The following CORO1B variants were observed in gnomAD, a reference collection of about 807,000 sequenced individuals.
The protein encoded by CORO1B is coronin 1B.
Under a neutral mutation model 51.1 loss-of-function variants are expected in CORO1B, and 30 were observed. That is an observed-to-expected ratio of 0.59 (90% CI 0.44 to 0.80). The LOEUF (loss-of-function observed/expected upper bound fraction) is 0.80. CORO1B is among the 30% of genes least tolerant of loss of function. CORO1B has a pLI of 0.00. For missense variants in CORO1B, 648 were observed against 700.4 expected (o/e 0.93, Z 0.84); for synonymous variants, 310 against 289.7 (o/e 1.07, Z -0.71).
At position 67,436,485 on chromosome 11, in the gene CORO1B, A is replaced by G. The variant is rs559453823; in HGVS notation, c.*1891T>C. On this transcript the variant is annotated 3_prime_UTR_variant, in exon 11 of 11. Coordinates refer to ENST00000341356, the MANE Select transcript of CORO1B (RefSeq NM_020441.3). Reference sequence around the variant, plus strand: ...TTGGGACAGCCAAGCAGAAAAGGCCAAGGCCTTATTTGGTCAACCAGGCTC... The same window carrying G: ...TTGGGACAGCCAAGCAGAAAAGGCCGAGGCCTTATTTGGTCAACCAGGCTC... 24 of 1,067,098 alleles carry G rather than the reference A, an allele frequency of 2.2e-5. No individual in the cohort carries two copies. The East Asian group carries it at 6.5e-4, about 29-fold the overall frequency. 66.1% of individuals were successfully genotyped at this position (1,067,098 alleles called of 1,614,324 possible).
Position 67,440,307 on chromosome 11 carries a change from G to A in CORO1B, c.861+28C>T, listed in dbSNP as rs760851584. 1.9e-6 allele frequency: 3 copies of A among 1,612,828 alleles called. No homozygotes were observed. In the East Asian group the frequency reaches 6.7e-5, roughly 36 times the overall value. On this transcript the variant is annotated intron_variant, in intron 7 of 10. Coordinates refer to ENST00000341356, the MANE Select transcript of CORO1B (RefSeq NM_020441.3). Reference sequence around the variant, plus strand: ...CAGCACCTGGGCACGCCTCTTCCCTGCCCCTCGCCAGCCCTGCCCAGCCCC... The same window carrying A: ...CAGCACCTGGGCACGCCTCTTCCCTACCCCTCGCCAGCCCTGCCCAGCCCC...
chr11:67,440,110 C>T lies in CORO1B; in HGVS notation c.1007+8G>A. The T allele has an allele frequency of 3.1e-6, 5 of 1,607,096 alleles. No individual in the cohort carries two copies. The highest frequency in any genetic ancestry group is 4.2e-6 in the Non-Finnish European group (5 of 1,176,474). ...CCTATCCCCGAGTGGCCTCGGTAGC[C>T]CTCTTACCGGGCGATCTCGCACTTG... On this transcript the variant is annotated splice_region_variant and intron_variant, in intron 8 of 10. Transcript: ENST00000341356.
chr11:67,438,206 G>T lies in CORO1B; in HGVS notation c.*170C>A. 1.3e-6 allele frequency: 1 copy of T among 791,508 alleles called. No individual in the cohort carries two copies. The highest frequency in any genetic ancestry group is 1.9e-6 in the Non-Finnish European group (1 of 517,738). The allele number at this position is 791,508 out of a possible 1,614,324, so 49.0% of individuals were successfully genotyped here. On this transcript the variant is annotated 3_prime_UTR_variant, in exon 11 of 11. Transcript: ENST00000341356. ...TAGACATCCTCCACAGGAACAGTGA[G>T]GAAAGCTGGGCGCTGGCTTCGGCCT...
chr11:67,436,432 C>CT lies in CORO1B; in HGVS notation c.*1943dup, dbSNP rs1864282046. 1 of 1,400,576 alleles carries CT rather than the reference C, an allele frequency of 7.1e-7. No individual in the cohort carries two copies. The highest frequency in any genetic ancestry group is 9.3e-7 in the Non-Finnish European group (1 of 1,077,476). 86.8% of individuals were successfully genotyped at this position (1,400,576 alleles called of 1,614,324 possible). ...GGGGCAGGCTGGGTGACCAAGACCA[C>CT]TTTCGTTTTTTTCTCTTTGGGATCC... On this transcript the variant is annotated 3_prime_UTR_variant, in exon 11 of 11. Coordinates refer to ENST00000341356, the MANE Select transcript of CORO1B (RefSeq NM_020441.3).
In CORO1B at chr11:67,442,614, T is replaced by C. The variant is rs1480007595; in HGVS notation, c.15A>G (p.Lys5=). The C allele has an allele frequency of 3.1e-6, 5 of 1,613,482 alleles. No individual in the cohort carries two copies. In the African/African-American group the frequency reaches 5.3e-5, roughly 17 times the overall value. The change falls in exon 2 of 11, where the codon AAA becomes AAG. Residue 5 remains lysine, a synonymous_variant. Coordinates refer to ENST00000341356, the MANE Select transcript of CORO1B (RefSeq NM_020441.3). MSFR[K]VVRQSKFRHV... ...GCCGGAATTTGCTCTGCCGGACCAC[T>C]TTGCGGAAGGACATGTCTGCGGGAC...
At position 67,441,696 on chromosome 11, in the gene CORO1B, T is replaced by TGGG. The variant is rs369518009; in HGVS notation, c.454+34_454+36dup. On this transcript the variant is annotated intron_variant, in intron 4 of 10. Coordinates refer to ENST00000341356, the MANE Select transcript of CORO1B (RefSeq NM_020441.3). Reference sequence around the variant, plus strand: ...CTGCTGGGATGTATGGAGGGGTCCGTGGGGGGGGGGAGCACAAAACGGGGG... The same window carrying TGGG: ...CTGCTGGGATGTATGGAGGGGTCCGTGGGGGGGGGGGGGAGCACAAAACGGGGG... 38 of 941,720 alleles carry TGGG rather than the reference T, an allele frequency of 4.0e-5. No homozygotes were observed. In the African/African-American group the frequency reaches 8.7e-4, roughly 22 times the overall value. 58.3% of individuals were successfully genotyped at this position (941,720 alleles called of 1,614,324 possible).
intron 6 of CORO1B, 153 bp downstream of exon 6, chr11:67,440,972 G>T: frequency 9.1e-7 from 1 of 1,102,762 alleles, no homozygotes; most frequent in East Asian, 2.5e-5. Flanking sequence ...GCAGGGGGCA[G>T]GAGAGGAAAG....
In CORO1B at chr11:67,436,437, G is replaced by A. The variant is rs904589000; in HGVS notation, c.*1939C>T. 13 of 1,386,940 alleles carry A rather than the reference G, an allele frequency of 9.4e-6. No individual in the cohort carries two copies. Among genetic ancestry groups the A allele is most frequent in the Middle Eastern group, 2.6e-4 (1 of 3,848 alleles). The allele number at this position is 1,386,940 out of a possible 1,614,324, so 85.9% of individuals were successfully genotyped here. The stretch of plus-strand genomic sequence containing the variant: ...AGGCTGGGTGACCAAGACCACTTTC[G>A]TTTTTTTCTCTTTGGGATCCTCTTG... On this transcript the variant is annotated 3_prime_UTR_variant, in exon 11 of 11. Coordinates refer to ENST00000341356, the MANE Select transcript of CORO1B (RefSeq NM_020441.3).
In CORO1B at chr11:67,439,801, C is replaced by A; in HGVS notation, c.1050G>T (p.Met350Ile). ...LHERKCEPIV[M>I]TVPRKSDLFQ... is the part of the protein sequence containing the mutation. ...GCGGCCTCACCTTTCTTGGCACAGT[C>A]ATGACGATGGGCTCACACTTGCGCT... Residue 350 changes from methionine (M) to isoleucine (I), a missense_variant, in exon 9 of 11, where the codon ATG becomes ATT. Met to Ile is a conservative substitution (Grantham distance 10). Transcript: ENST00000341356. The A allele has an allele frequency of 6.3e-7, 1 of 1,589,928 alleles. No individual in the cohort carries two copies. The highest frequency in any genetic ancestry group is 1.1e-5 in the South Asian group (1 of 87,128).
chr11:67,438,728 G>A lies in CORO1B; in HGVS notation c.1287C>T (p.Pro429=), dbSNP rs775629291. Residue 429 remains proline, a synonymous_variant, in exon 10 of 11, where the codon CCC becomes CCT. Coordinates refer to ENST00000341356, the MANE Select transcript of CORO1B (RefSeq NM_020441.3). ...CATCAGCAGCAGTGGTGGTGGAGGC[G>A]GGGGCCCCTAGGTGGGAGGAGCCCG... is the stretch of plus-strand genomic sequence containing the variant. ...MAPGSSHLGA[P]ASTTTAADAT... is the part of the protein sequence containing the mutation. 7 of 1,547,928 alleles carry A rather than the reference G, an allele frequency of 4.5e-6. No homozygotes were observed. Among genetic ancestry groups the A allele is most frequent in the African/African-American group, 1.4e-5 (1 of 73,472 alleles).
rs1590985105 is a variant in CORO1B, at chr11:67,438,767, C to T, written c.1248G>A (p.Arg416=). Residue 416 remains arginine (R), a synonymous_variant, in exon 10 of 11, where the codon CGG becomes CGA. Coordinates refer to ENST00000341356, the MANE Select transcript of CORO1B (RefSeq NM_020441.3). ...GGGAGGAGCCCGGGGCCATGGCGGG[C>T]CGGCTGTCAGACAACACGTTGCGCC... ...ISRRNVLSDS[R]PAMAPGSSHL... 1 of 1,573,570 alleles carries T rather than the reference C, an allele frequency of 6.4e-7. No homozygotes were observed. Among genetic ancestry groups the T allele is most frequent in the Non-Finnish European group, 8.6e-7 (1 of 1,163,442 alleles).
At chr11:67,441,696 TG>T (rs369518009) in intron 4 of CORO1B, 36 bp downstream of exon 4, 19,437 of 872,806 alleles carry the variant, frequency 0.022, 10 homozygotes, top group Admixed American at 0.033. Context: ...GAGGGGTCCG[TG>T]GGGGGGGGGA....
Position 67,437,182 on chromosome 11 carries a change from C to CA in CORO1B, c.*1193dup, listed in dbSNP as rs1032890566. The CA allele has an allele frequency of 6.2e-6, 1 of 160,030 alleles. No individual in the cohort carries two copies. The highest frequency in any genetic ancestry group is 2.4e-5 in the African/African-American group (1 of 41,740). 9.9% of individuals were successfully genotyped at this position (160,030 alleles called of 1,614,324 possible). The stretch of plus-strand genomic sequence containing the variant: ...TTCCACTCCCAGTCCCTGAGGGCCA[C>CA]AGGCGTGCAGGGCCGGGGGCTGGGG... On this transcript the variant is annotated 3_prime_UTR_variant, in exon 11 of 11. Transcript: ENST00000341356.
At chr11:67,440,731 C>T (rs1365511623) in intron 6 of CORO1B, 1 of 652,384 alleles carries the variant, frequency 1.5e-6, no homozygotes, top group Non-Finnish European at 2.8e-6. Context: ...GTGCCAGCGG[C>T]ACCAGCCCCT....
chr11:67,440,356 A>G lies in CORO1B; in HGVS notation c.840T>C (p.Ser280=). The G allele has an allele frequency of 6.2e-7, 1 of 1,613,536 alleles. No homozygotes were observed. Among genetic ancestry groups the G allele is most frequent in the East Asian group, 2.2e-5 (1 of 44,854 alleles). The change falls in exon 7 of 11, where the codon AGT becomes AGC. Residue 280 remains serine, a synonymous_variant. Coordinates refer to ENST00000341356, the MANE Select transcript of CORO1B (RefSeq NM_020441.3). ...CCACCTTGCCGCAGACGTAGACCACACTGGTGTCGGGGTCGTAGAAGGGCA... is the reference window on the plus strand; with the variant it reads ...CCACCTTGCCGCAGACGTAGACCACGCTGGTGTCGGGGTCGTAGAAGGGCA... ...ALLPFYDPDT[S]VVYVCGKGDS... is the part of the protein sequence containing the mutation.
chr11:67,436,273 G>A lies in CORO1B; in HGVS notation c.*2103C>T. On this transcript the variant is annotated 3_prime_UTR_variant, in exon 11 of 11. Coordinates refer to ENST00000341356, the MANE Select transcript of CORO1B (RefSeq NM_020441.3). Reference sequence around the variant, plus strand: ...CGGTGACAGAGCTGGAGCCCACGCTGTCCTCCGCGCTGCCACCCGAGCCCA... The same window carrying A: ...CGGTGACAGAGCTGGAGCCCACGCTATCCTCCGCGCTGCCACCCGAGCCCA... The A allele has an allele frequency of 6.5e-7, 1 of 1,542,192 alleles. No homozygotes were observed. Among genetic ancestry groups the A allele is most frequent in the Non-Finnish European group, 8.7e-7 (1 of 1,148,198 alleles).
At chr11:67,438,554 A>G in intron 10 of CORO1B, 53 bp from the exon 11 acceptor site, 4 of 1,571,974 alleles carry the variant, frequency 2.5e-6, no homozygotes, top group Admixed American at 1.7e-5. Flanking sequence ...CTGCTAAGCC[A>G]TAGCCCTCCC....
chr11:67,441,906 C>T (rs1474774614), intron 3 of CORO1B, 44 bp from the exon 4 acceptor site: 1 of 1,612,990 alleles, frequency 6.2e-7, no homozygotes, highest in South Asian at 1.1e-5. Flanking sequence ...TCTGCTGGTC[C>T]TATTGCTGGC....
rs142388162 is a variant in CORO1B, at chr11:67,435,777, C to T, written c.*2599G>A. The T allele has an allele frequency of 2.9e-5, 45 of 1,574,298 alleles. 2 individuals are homozygous for T. Among genetic ancestry groups the T allele is most frequent in the African/African-American group, 2.3e-4 (17 of 74,402 alleles). ...AGGCCCTGGCCCCCAGCTGCCCTGG[C>T]GCTGTCATCCCAGGCTGCGCTGCCA... On this transcript the variant is annotated 3_prime_UTR_variant, in exon 11 of 11. Transcript: ENST00000341356.
Sources: allele counts gnomAD v4.1 joint callset, GRCh38; gene constraint gnomAD v4.1.1; transcripts MANE v1.5; gene names NCBI Gene and HGNC (gene_info 2026-07-23, HGNC 2026-07-21).